SARDH: variants seen among roughly 807,000 people sequenced by gnomAD.
SARDH encodes sarcosine dehydrogenase, mitochondrial.
Under a neutral mutation model 109.1 loss-of-function variants are expected in SARDH, and 95 were observed. That is an observed-to-expected ratio of 0.87 (90% CI 0.74 to 1.03). The LOEUF (loss-of-function observed/expected upper bound fraction) is 1.03, where lower values mean the gene tolerates loss of function less well. SARDH is among the 50% of genes least tolerant of loss of function. The pLI, the probability that SARDH is intolerant of heterozygous loss-of-function variation, is 0.00. For missense variants in SARDH, 1,267 were observed against 1,287.8 expected, an observed-to-expected ratio of 0.98 and a Z score of 0.25; for synonymous variants, 572 against 534.8, an observed-to-expected ratio of 1.07 and a Z score of -0.96.
At chr9:133,681,086 G>A (rs1830679212) in intron 17 of SARDH, among the ~76,000 whole-genome samples, 1 of 152,260 alleles carries the variant, frequency 6.6e-6, no homozygotes, top group South Asian at 2.1e-4. Flanking sequence ...TGTCGGCAGA[G>A]ACGAGCTCCT....
At chr9:133,720,496 C>T (rs1286785485) in intron 6 of SARDH, among the ~76,000 whole-genome samples, 6 of 152,338 alleles carry the variant, frequency 3.9e-5, no homozygotes, top group Admixed American at 3.3e-4. Context: ...TTAGTGTGTT[C>T]TCACGCTGCT....
At chr9:133,690,559 AT>A in intron 15 of SARDH, 32 bp from the exon 16 acceptor site, 1 of 1,582,798 alleles carries the variant, frequency 6.3e-7, no homozygotes, top group Non-Finnish European at 8.6e-7. Flanking sequence ...TTAGAGCAGG[AT>A]TTCAGGGCCT....
In SARDH at chr9:133,713,033, C is replaced by G. The variant is rs1423711290; in HGVS notation, c.1237+5G>C. On this transcript the variant is annotated splice_donor_5th_base_variant and intron_variant, in intron 9 of 20. Coordinates refer to ENST00000439388, the MANE Select transcript of SARDH (RefSeq NM_001134707.2). ...GGGGCCAGGAGGGCTGCTGCCCGGA[C>G]TCACCTGCGCTGTTGAAGCCACAGC... 6.2e-7 allele frequency: 1 copy of G among 1,609,136 alleles called. No individual in the cohort carries two copies.
rs922766274 is a variant in SARDH at position 133,709,303 on chromosome 9, C to T, written c.1329-875G>A. On this transcript the variant is annotated intron_variant, in intron 10 of 20. Coordinates refer to ENST00000439388, the MANE Select transcript of SARDH (RefSeq NM_001134707.2). The surrounding 1 kb of genome is among the most constrained non-coding windows in gnomAD (Gnocchi z 4.2). Reference sequence around the variant, plus strand: ...TGAGTGGGCAGAGCAATCAGTGCCCCGCGGCTTGTTCCCTGGTCTCCTCAG... The same window carrying T: ...TGAGTGGGCAGAGCAATCAGTGCCCTGCGGCTTGTTCCCTGGTCTCCTCAG... 1.9e-4 allele frequency among the ~76,000 whole-genome samples: 29 copies of T among 152,154 alleles called. No homozygotes were observed. Among genetic ancestry groups the T allele is most frequent in the South Asian group, 2.1e-4 (1 of 4,832 alleles).
At chr9:133,688,751 T>A (rs1830978139) in intron 16 of SARDH, among the ~76,000 whole-genome samples, 1 of 152,192 alleles carries the variant, frequency 6.6e-6, no homozygotes, top group Non-Finnish European at 1.5e-5. Flanking sequence ...CTGGGAGCAG[T>A]TCCCCCAGAA....
rs547295692 is a variant in SARDH at position 133,670,373 on chromosome 9, C to A, written c.2495+211G>T. ...AGAGCAAACTCTCTCTGCCTTTCTG[C>A]CTTTAACAACATGTGACCTGGCCAG... On this transcript the variant is annotated intron_variant, in intron 19 of 20. Transcript: ENST00000439388. 2.0e-5 allele frequency among the ~76,000 whole-genome samples: 3 copies of A among 152,030 alleles called. No individual in the cohort carries two copies. In the South Asian group the frequency reaches 6.2e-4, roughly 32 times the overall value.
At chr9:133,678,413 GA>G (rs1380562870) in intron 17 of SARDH, among the ~76,000 whole-genome samples, 1 of 152,192 alleles carries the variant, frequency 6.6e-6, no homozygotes, top group Non-Finnish European at 1.5e-5. Flanking sequence ...GCAAGTCACA[GA>G]AGCCAGAATT....
In SARDH at chr9:133,696,222, C is replaced by T. The variant is rs1246706651; in HGVS notation, c.1807+1G>A. On this transcript the variant is annotated splice_donor_variant, in intron 14 of 20. Transcript: ENST00000439388. LOFTEE classifies it high-confidence loss of function. ...ATGCCCCCCAACCTCAGGCTCCATA[C>T]CTGGGGGTCGGCTGACATCTGCGGA... is the stretch of plus-strand genomic sequence containing the variant. The T allele has an allele frequency of 1.2e-6, 2 of 1,613,858 alleles. No homozygotes were observed. Among genetic ancestry groups the T allele is most frequent in the South Asian group, 2.2e-5 (2 of 91,080 alleles).
Position 133,696,339 on chromosome 9 carries a change from C to G in SARDH, c.1691G>C (p.Cys564Ser), listed in dbSNP as rs777724287. Residue 564 changes from cysteine to serine, a missense_variant, in exon 14 of 21, where the codon TGC becomes TCC. Transcript: ENST00000439388. ...HDTIKKECLA[C>S]RGAAAVFDMS... The stretch of plus-strand genomic sequence containing the variant: ...GTCAAACACAGCGGCGGCCCCTCTG[C>G]AGGCCAGGCACTCCTTCTTGATCTG... 8.7e-6 allele frequency: 14 copies of G among 1,613,964 alleles called. No individual in the cohort carries two copies. The South Asian group carries it at 1.5e-4, about 18-fold the overall frequency.
At chr9:133,669,785 C>T (rs1252010268) in intron 19 of SARDH, among the ~76,000 whole-genome samples, 1 of 152,236 alleles carries the variant, frequency 6.6e-6, no homozygotes, top group Non-Finnish European at 1.5e-5. Flanking sequence ...CCCCTCTCCC[C>T]CTATCACAGG....
At chr9:133,674,432 G>A (rs1003655566) in intron 17 of SARDH, among the ~76,000 whole-genome samples, 14 of 152,368 alleles carry the variant, frequency 9.2e-5, no homozygotes, top group Middle Eastern at 3.4e-3. Flanking sequence ...ACTCCTGGCC[G>A]TGGATGGAGT....
intron 17 of SARDH, among the ~76,000 whole-genome samples, chr9:133,674,880 A>G (rs1200674579): frequency 6.6e-6 from 1 of 152,242 alleles, no homozygotes; most frequent in African/African-American, 2.4e-5. Flanking sequence ...ATGGAAGGAC[A>G]TTGATCACAA....
At chr9:133,696,451 C>T (rs1050955184) in intron 13 of SARDH, 90 bp from the exon 14 acceptor site, 2 of 1,519,538 alleles carry the variant, frequency 1.3e-6, no homozygotes, top group Non-Finnish European at 1.8e-6. Flanking sequence ...CTGTGTCCAA[C>T]ACACCTGTAC....
intron 16 of SARDH, among the ~76,000 whole-genome samples, chr9:133,687,240 C>T (rs4744533): frequency 0.29 from 44,576 of 152,092 alleles, 7,237 homozygotes; most frequent in East Asian, 0.42. Context: ...CACCGTCTCT[C>T]CCAGCCACGC....
intron 6 of SARDH, among the ~76,000 whole-genome samples, chr9:133,726,515 C>A (rs1023051004): frequency 1.7e-4 from 26 of 152,166 alleles, no homozygotes; most frequent in African/African-American, 5.5e-4. Context: ...CCAGGGAAGC[C>A]CCTGATGTTT....
Position 133,692,950 on chromosome 9 carries a change from G to T in SARDH, c.1921+1308C>A, listed in dbSNP as rs1195396704. 6.6e-6 allele frequency among the ~76,000 whole-genome samples: 1 copy of T among 151,982 alleles called. No homozygotes were observed. The highest frequency in any genetic ancestry group is 6.6e-5 in the Admixed American group (1 of 15,264). On this transcript the variant is annotated intron_variant, in intron 15 of 20. Coordinates refer to ENST00000439388, the MANE Select transcript of SARDH (RefSeq NM_001134707.2). The surrounding 1 kb of genome is among the most constrained non-coding windows in gnomAD (Gnocchi z 5.0). ...CATCTCCGCCACCAGCCTCCAGACC[G>T]CAGGGCTCACCTCACTACTCCCTGC...
rs544129974 is a variant in SARDH, at chr9:133,686,688, C to T, written c.2070-1402G>A. Among the ~76,000 whole-genome samples the T allele has an allele frequency of 3.3e-5, 5 of 152,272 alleles. No individual in the cohort carries two copies. In the East Asian group the frequency reaches 9.7e-4, roughly 29 times the overall value. ...AGGAGACGCCCCCCCACTTCTGTCC[C>T]TCTGGGATCCCAGCAGGTGTTGAGG... On this transcript the variant is annotated intron_variant, in intron 16 of 20. Coordinates refer to ENST00000439388, the MANE Select transcript of SARDH (RefSeq NM_001134707.2). The surrounding 1 kb of genome is among the most constrained non-coding windows in gnomAD (Gnocchi z 4.0).
chr9:133,694,832 G>A (rs1588414129), intron 14 of SARDH, among the ~76,000 whole-genome samples: 1 of 152,194 alleles, frequency 6.6e-6, no homozygotes, highest in African/African-American at 2.4e-5. Context: ...GCAGATGGAT[G>A]GGAGGATGGG....
chr9:133,712,082 C>G lies in SARDH; in HGVS notation c.1328+537G>C, dbSNP rs139939540. Among the ~76,000 whole-genome samples the G allele has an allele frequency of 3.7e-3, 567 of 152,336 alleles. 5 individuals carry two copies. Among genetic ancestry groups the G allele is most frequent in the Non-Finnish European group, 6.5e-3 (440 of 68,026 alleles). On this transcript the variant is annotated intron_variant, in intron 10 of 20. Transcript: ENST00000439388. The surrounding 1 kb of genome is among the most constrained non-coding windows in gnomAD (Gnocchi z 4.1). ...GACTTAGCGTTTCCATGTGCAGACC[C>G]CATGCTGGGTGCCTCACCAGTACAA...
Sources: allele counts gnomAD v4.1 joint callset (sites outside exome capture counted in the v4.1 genomes callset), GRCh38; gene constraint gnomAD v4.1.1; non-coding constraint Gnocchi (gnomAD v3.1); transcripts MANE v1.5; gene names NCBI Gene and HGNC (gene_info 2026-07-23, HGNC 2026-07-21).